The following HACE1 variants were observed in gnomAD, a reference collection of about 807,000 sequenced individuals.
HACE1 encodes the protein HECT domain and ankyrin repeat containing E3 ubiquitin protein ligase 1.
In HACE1, 73 loss-of-function variants were observed where a neutral mutation model predicts 118.4. The ratio of observed to expected loss-of-function variants is 0.62; its 90% CI spans 0.51 to 0.75. The LOEUF (loss-of-function observed/expected upper bound fraction) is 0.75. Ranked by LOEUF, HACE1 falls within the 30% of genes least tolerant of loss-of-function variation. The pLI is 0.00. For missense variants in HACE1, 749 were observed against 1,102.2 expected (o/e 0.68, Z 4.54); for synonymous variants, 368 against 374.8 (o/e 0.98, Z 0.21).
rs147030514 is a variant in HACE1 at position 104,801,667 on chromosome 6, G to A, written c.618-4642C>T. Reference sequence around the variant, plus strand: ...AATCCTTTACAGACATGCAAATGCCGAGAGATTTTGTCACCACCAGGCCTG... The same window carrying A: ...AATCCTTTACAGACATGCAAATGCCAAGAGATTTTGTCACCACCAGGCCTG... On this transcript the variant is annotated intron_variant, in intron 7 of 23. Transcript: ENST00000262903. 1.4e-3 allele frequency among the ~76,000 whole-genome samples: 220 copies of A among 152,240 alleles called. 4 individuals carry two copies. The East Asian group carries it at 0.016, about 11-fold the overall frequency.
chr6:104,846,312 A>G (rs1270982851), intron 4 of HACE1, among the ~76,000 whole-genome samples: 2 of 152,224 alleles, frequency 1.3e-5, no homozygotes, highest in Non-Finnish European at 2.9e-5. Flanking sequence ...CCTAAAAAAT[A>G]AAGAAAAACT....
rs568640052 is a variant in HACE1 at position 104,791,270 on chromosome 6, A to T, written c.1074+234T>A. Among the ~76,000 whole-genome samples, 3 of 152,364 alleles carry T rather than the reference A, an allele frequency of 2.0e-5. No individual in the cohort carries two copies. The South Asian group carries it at 6.2e-4, about 32-fold the overall frequency. On this transcript the variant is annotated intron_variant, in intron 11 of 23. Transcript: ENST00000262903. ...AACACTAAATATCTCTACCCTTAGA[A>T]TAAAACACCAATGGAATAAAAAATT...
At position 104,823,231 on chromosome 6, in the gene HACE1, C is replaced by T. The variant is rs139130194; in HGVS notation, c.534+9811G>A. Among the ~76,000 whole-genome samples, 456 of 152,204 alleles carry T rather than the reference C, an allele frequency of 3.0e-3. 3 individuals are homozygous for T. The highest frequency in any genetic ancestry group is 0.01 in the African/African-American group (435 of 41,516). On this transcript the variant is annotated intron_variant, in intron 6 of 23. Coordinates refer to ENST00000262903, the MANE Select transcript of HACE1 (RefSeq NM_020771.4). ...GGTGGATCACCTGAGGTCAGGAGTTCAAGATCAGCCTGGCCAACATGGTGA... is the reference window on the plus strand; with the variant it reads ...GGTGGATCACCTGAGGTCAGGAGTTTAAGATCAGCCTGGCCAACATGGTGA...
intron 6 of HACE1, among the ~76,000 whole-genome samples, chr6:104,825,081 CAA>C (rs575106170): frequency 2.8e-4 from 26 of 92,740 alleles, no homozygotes; most frequent in Non-Finnish European, 2.5e-4. Flanking sequence ...GACTCCGTCT[CAA>C]AAAAAAAAAA....
intron 6 of HACE1, among the ~76,000 whole-genome samples, chr6:104,818,431 G>T (rs1274874045): frequency 6.6e-6 from 1 of 152,034 alleles, no homozygotes; most frequent in African/African-American, 2.4e-5. Flanking sequence ...AGGACCAGAT[G>T]AATTCACAGC....
chr6:104,771,517 T>C, intron 18 of HACE1, 128 bp from the exon 19 acceptor site: 1 of 639,840 alleles, frequency 1.6e-6, no homozygotes, highest in Non-Finnish European at 2.8e-6. Context: ...ACACACAGCA[T>C]ATTTTAAATG....
intron 22 of HACE1, among the ~76,000 whole-genome samples, chr6:104,741,930 C>A (rs1359139051): frequency 5.9e-5 from 9 of 151,654 alleles, no homozygotes; most frequent in Non-Finnish European, 1.2e-4. Flanking sequence ...GCTACAGTAA[C>A]CAAAACAGCA....
chr6:104,774,372 G>A (rs540450837), intron 17 of HACE1, among the ~76,000 whole-genome samples: 1 of 91,348 alleles, frequency 1.1e-5, no homozygotes, highest in South Asian at 3.2e-4. Flanking sequence ...TTACAGGCGT[G>A]AGCCACCGCG....
intron 5 of HACE1, among the ~76,000 whole-genome samples, chr6:104,842,191 C>T (rs910980756): frequency 6.6e-6 from 1 of 152,132 alleles, no homozygotes; most frequent in Admixed American, 6.6e-5. Context: ...CACCTATAGT[C>T]CCAGCTACTT....
chr6:104,754,542 C>T (rs965120573), intron 19 of HACE1, among the ~76,000 whole-genome samples: 8 of 152,144 alleles, frequency 5.3e-5, no homozygotes, highest in Non-Finnish European at 8.8e-5. Flanking sequence ...GAGATAAAGG[C>T]CAGGTCACCT....
chr6:104,737,586 G>A (rs1228854666), intron 22 of HACE1, among the ~76,000 whole-genome samples: 8 of 152,124 alleles, frequency 5.3e-5, no homozygotes, highest in Non-Finnish European at 1.0e-4. Flanking sequence ...CTAGAAAATC[G>A]GGTCACTCCC....
At chr6:104,804,188 C>A (rs540769914) in intron 7 of HACE1, among the ~76,000 whole-genome samples, 1 of 152,300 alleles carries the variant, frequency 6.6e-6, no homozygotes, top group South Asian at 2.1e-4. Flanking sequence ...AGGAGAACTA[C>A]AAACCACTGC....
At chr6:104,798,606 C>T (rs1769954884) in intron 7 of HACE1, among the ~76,000 whole-genome samples, 1 of 152,076 alleles carries the variant, frequency 6.6e-6, no homozygotes, top group Non-Finnish European at 1.5e-5. Flanking sequence ...CAATAATCAG[C>T]TTTACCGGCA....
chr6:104,832,905 A>T (rs1239230004), intron 6 of HACE1, 137 bp downstream of exon 6: 1 of 806,538 alleles, frequency 1.2e-6, no homozygotes, highest in Non-Finnish European at 2.1e-6. Flanking sequence ...TCTCAAAAAA[A>T]AAAGTCCATA....
At chr6:104,837,669 A>G (rs1307039517) in intron 5 of HACE1, among the ~76,000 whole-genome samples, 3 of 152,196 alleles carry the variant, frequency 2.0e-5, no homozygotes, top group African/African-American at 4.8e-5. Context: ...TTTGCTCTTC[A>G]AAAGACCCTC....
intron 5 of HACE1, among the ~76,000 whole-genome samples, chr6:104,834,270 G>A (rs1240328709): frequency 1.3e-5 from 2 of 152,112 alleles, no homozygotes; most frequent in Non-Finnish European, 2.9e-5. Context: ...GTTTGTCTCT[G>A]GAGAAAAGGT....
chr6:104,822,384 G>GAAA (rs751726472), intron 6 of HACE1, among the ~76,000 whole-genome samples: 2 of 91,520 alleles, frequency 2.2e-5, no homozygotes, highest in African/African-American at 4.1e-5. Context: ...CTCCATCTCA[G>GAAA]AAAAAAAAAA....
intron 22 of HACE1, among the ~76,000 whole-genome samples, chr6:104,737,926 C>T (rs1418769815): frequency 6.6e-6 from 1 of 152,198 alleles, no homozygotes; most frequent in Non-Finnish European, 1.5e-5. Context: ...TTAAATGTCC[C>T]TGTCTCACAG....
chr6:104,760,826 G>A (rs1779276241), intron 19 of HACE1, among the ~76,000 whole-genome samples: 1 of 152,170 alleles, frequency 6.6e-6, no homozygotes, highest in South Asian at 2.1e-4. Context: ...ATCTCCTTAA[G>A]CTGATAAGCA....
Sources: allele counts gnomAD v4.1 joint callset (sites outside exome capture counted in the v4.1 genomes callset), GRCh38; gene constraint gnomAD v4.1.1; transcripts MANE v1.5; gene names NCBI Gene and HGNC (gene_info 2026-07-23, HGNC 2026-07-21).